The following ITGA9 variants were observed in gnomAD, a reference collection of about 807,000 sequenced individuals.
ITGA9 encodes the protein integrin subunit alpha 9, also known as integrin alpha-9.
In ITGA9, 56 loss-of-function variants were observed where a neutral mutation model predicts 127.8. The observed-to-expected ratio is 0.44, with a 90% CI of 0.35 to 0.55. ITGA9 has a LOEUF of 0.55. ITGA9 is among the 20% of genes least tolerant of loss of function. The probability of loss-of-function intolerance (pLI) is 0.00; values close to 1 mark genes in which losing one functional copy is unlikely to be tolerated. For synonymous variants in ITGA9, 508 were observed against 514.5 expected, an observed-to-expected ratio of 0.99 and a Z score of 0.17; for missense variants, 1,196 against 1,347.1, an observed-to-expected ratio of 0.89 and a Z score of 1.76.
intron 18 of ITGA9, among the ~76,000 whole-genome samples, chr3:37,703,593 A>G (rs1700972116): frequency 6.6e-6 from 1 of 152,190 alleles, no homozygotes; most frequent in South Asian, 2.1e-4. Flanking sequence ...GTCATAAACA[A>G]GATTTCTCTG....
At chr3:37,784,481 T>C (rs991646703) in intron 25 of ITGA9, among the ~76,000 whole-genome samples, 6 of 152,240 alleles carry the variant, frequency 3.9e-5, no homozygotes, top group Admixed American at 3.9e-4. Flanking sequence ...GTTTAATGGT[T>C]TTGATTCCAA....
chr3:37,753,612 G>C (rs886661780), intron 23 of ITGA9: 1 of 152,204 alleles, frequency 6.6e-6, no homozygotes, highest in South Asian at 2.1e-4. Flanking sequence ...TAAGTGTTCC[G>C]TATGCCTTCT....
At chr3:37,675,653 C>CTT (rs199603033) in intron 17 of ITGA9, among the ~76,000 whole-genome samples, 1 of 149,250 alleles carries the variant, frequency 6.7e-6, no homozygotes, top group African/African-American at 2.5e-5. Flanking sequence ...ATATGTTACG[C>CTT]TTTTTTTTTC....
intron 15 of ITGA9, among the ~76,000 whole-genome samples, chr3:37,586,813 G>T (rs546595403): frequency 2.1e-4 from 32 of 152,192 alleles, no homozygotes; most frequent in Non-Finnish European, 3.7e-4. Flanking sequence ...AGCTGAGTTC[G>T]CTCAGAATGT....
intron 7 of ITGA9, among the ~76,000 whole-genome samples, chr3:37,507,657 A>G (rs1410060239): frequency 6.6e-6 from 1 of 152,166 alleles, no homozygotes; most frequent in African/African-American, 2.4e-5. Context: ...ACCACCTGAG[A>G]GGCATGGGGA....
intron 18 of ITGA9, among the ~76,000 whole-genome samples, chr3:37,709,842 G>A (rs1406693094): frequency 6.6e-6 from 1 of 152,230 alleles, no homozygotes; most frequent in African/African-American, 2.4e-5. Flanking sequence ...GGTTTCTAAA[G>A]TATACCCTCT....
In ITGA9 at chr3:37,674,595, G is replaced by A. The variant is rs1438014980; in HGVS notation, c.1917-9270G>A. 2.0e-5 allele frequency among the ~76,000 whole-genome samples: 3 copies of A among 152,140 alleles called. No individual in the cohort carries two copies. The East Asian group carries it at 5.8e-4, about 29-fold the overall frequency. The stretch of plus-strand genomic sequence containing the variant: ...GTGGTATCTTGTGTGTTTCCTTTAA[G>A]TTATACCAGTTTATGGCAGGGGCAA... On this transcript the variant is annotated intron_variant, in intron 17 of 27. Coordinates refer to ENST00000264741, the MANE Select transcript of ITGA9 (RefSeq NM_002207.3).
At chr3:37,626,368 C>T (rs922455183) in intron 15 of ITGA9, among the ~76,000 whole-genome samples, 3 of 151,992 alleles carry the variant, frequency 2.0e-5, no homozygotes, top group Non-Finnish European at 2.9e-5. Context: ...GTCTATAAAA[C>T]GGGGGGCAAT....
At chr3:37,617,604 C>G (rs560863281) in intron 15 of ITGA9, among the ~76,000 whole-genome samples, 173 of 152,340 alleles carry the variant, frequency 1.1e-3, no homozygotes, top group Admixed American at 2.0e-3. Context: ...GTACACCAAT[C>G]AGACGTAGAT....
chr3:37,625,869 C>T (rs1007842111), intron 15 of ITGA9, among the ~76,000 whole-genome samples: 10 of 152,326 alleles, frequency 6.6e-5, no homozygotes, highest in African/African-American at 2.2e-4. Flanking sequence ...CCTCTGCCTC[C>T]ACCCATGCCT....
chr3:37,738,975 C>G (rs1696399900), intron 20 of ITGA9, among the ~76,000 whole-genome samples: 2 of 152,184 alleles, frequency 1.3e-5, no homozygotes, highest in African/African-American at 2.4e-5. Context: ...ATATCGATGC[C>G]TGATCTATCC....
intron 18 of ITGA9, among the ~76,000 whole-genome samples, chr3:37,705,570 T>C (rs1170931549): frequency 6.6e-6 from 1 of 152,212 alleles, no homozygotes; most frequent in Non-Finnish European, 1.5e-5. Flanking sequence ...GTGGGAGAGC[T>C]CTGAGGCCCT....
In ITGA9 at chr3:37,820,322, C is replaced by T. The variant is rs541890831; in HGVS notation, c.*1333C>T. The stretch of plus-strand genomic sequence containing the variant: ...TGGCTGCACCCAGAGGAGATGTAAA[C>T]GTTTTATTCTCAATTCCTGCTGGCG... On this transcript the variant is annotated 3_prime_UTR_variant, in exon 28 of 28. Transcript: ENST00000264741. 10 of 152,374 alleles carry T rather than the reference C, an allele frequency of 6.6e-5. No individual in the cohort carries two copies. Among genetic ancestry groups the T allele is most frequent in the South Asian group, 4.1e-4 (2 of 4,822 alleles). 9.4% of individuals were successfully genotyped at this position (152,374 alleles called of 1,614,324 possible).
chr3:37,636,982 A>G (rs954009650), intron 16 of ITGA9, among the ~76,000 whole-genome samples: 1 of 151,950 alleles, frequency 6.6e-6, no homozygotes, highest in Non-Finnish European at 1.5e-5. Flanking sequence ...GTTCTGTTCC[A>G]TTGGTCTATA....
intron 15 of ITGA9, among the ~76,000 whole-genome samples, chr3:37,566,746 G>T (rs1223152161): frequency 6.6e-6 from 1 of 151,262 alleles, no homozygotes; most frequent in Non-Finnish European, 1.5e-5. Flanking sequence ...GGAATTGACT[G>T]TCTCATGAAA....
Position 37,473,521 on chromosome 3 carries a change from T to C in ITGA9, c.420+61T>C, listed in dbSNP as rs1698459684. 7 of 1,263,166 alleles carry C rather than the reference T, an allele frequency of 5.5e-6. 1 individual carries two copies. In the Admixed American group the frequency reaches 1.1e-4, roughly 19 times the overall value. The allele number at this position is 1,263,166 out of a possible 1,614,324, so 78.2% of individuals were successfully genotyped here. On this transcript the variant is annotated intron_variant, in intron 3 of 27. Transcript: ENST00000264741. ...GGCACTCTGAGAATGAATGATCTGT[T>C]AGGAAGGCTGGATGGCATGGTGACA... is the stretch of plus-strand genomic sequence containing the variant.
At chr3:37,671,471 G>C (rs912340400) in intron 17 of ITGA9, among the ~76,000 whole-genome samples, 1 of 152,162 alleles carries the variant, frequency 6.6e-6, no homozygotes, top group Non-Finnish European at 1.5e-5. Flanking sequence ...GGACATGGAC[G>C]TGCTATTTTT....
intron 17 of ITGA9, among the ~76,000 whole-genome samples, chr3:37,677,132 T>A: frequency 6.6e-6 from 1 of 152,234 alleles, no homozygotes; most frequent in East Asian, 1.9e-4. Flanking sequence ...TCCTGGGTAA[T>A]TCATTTACCA....
chr3:37,683,532 G>T (rs1488412476), intron 17 of ITGA9, among the ~76,000 whole-genome samples: 1 of 152,182 alleles, frequency 6.6e-6, no homozygotes, highest in African/African-American at 2.4e-5. Flanking sequence ...CACATGGTAG[G>T]CACTCAGAAA....
Sources: allele counts gnomAD v4.1 joint callset (sites outside exome capture counted in the v4.1 genomes callset), GRCh38; gene constraint gnomAD v4.1.1; transcripts MANE v1.5; gene names NCBI Gene and HGNC (gene_info 2026-07-23, HGNC 2026-07-21).